OXR1: variants seen among roughly 807,000 people sequenced by gnomAD.
The protein encoded by OXR1 is oxidation resistance protein 1.
In OXR1, 41 loss-of-function variants were observed where a neutral mutation model predicts 104.6. The ratio of observed to expected loss-of-function variants is 0.39; its 90% confidence interval spans 0.31 to 0.51. The LOEUF is 0.51. Among genes scored for constraint, OXR1 ranks in the 20% least tolerant of loss-of-function variants. The pLI is 0.77. For synonymous variants in OXR1, 348 were observed against 348.4 expected, an observed-to-expected ratio of 1.00 and a Z score of 0.01; for missense variants, 955 against 1,031.9, an observed-to-expected ratio of 0.93 and a Z score of 1.02.
At chr8:106,633,331 C>T (rs1822864172) in intron 3 of OXR1, among the ~76,000 whole-genome samples, 1 of 152,152 alleles carries the variant, frequency 6.6e-6, no homozygotes, top group Non-Finnish European at 1.5e-5. Flanking sequence ...AATAGCACTA[C>T]TCTACTCTGC....
chr8:106,542,584 A>C (rs1815041869), intron 3 of OXR1, among the ~76,000 whole-genome samples: 1 of 152,128 alleles, frequency 6.6e-6, no homozygotes, highest in Non-Finnish European at 1.5e-5. Context: ...TGTCTTAGTA[A>C]ATTTCCAGTA....
At chr8:106,386,548 T>C (rs1426769377) in intron 2 of OXR1, among the ~76,000 whole-genome samples, 1 of 152,212 alleles carries the variant, frequency 6.6e-6, no homozygotes, top group African/African-American at 2.4e-5. Context: ...TTGCCTGTTA[T>C]GTGAATCCAA....
chr8:106,486,231 A>C (rs1810647049), intron 2 of OXR1, among the ~76,000 whole-genome samples: 1 of 152,098 alleles, frequency 6.6e-6, no homozygotes, highest in Admixed American at 6.6e-5. Context: ...AATTATGTAA[A>C]ATTTTATCTG....
chr8:106,457,833 T>A (rs1010067845), intron 2 of OXR1, among the ~76,000 whole-genome samples: 2 of 152,206 alleles, frequency 1.3e-5, no homozygotes, highest in African/African-American at 2.4e-5. Context: ...ATTGTGTCCG[T>A]GCCTGAGGAC....
At chr8:106,358,359 G>A (rs1466383080) in intron 1 of OXR1, among the ~76,000 whole-genome samples, 1 of 152,190 alleles carries the variant, frequency 6.6e-6, no homozygotes, top group African/African-American at 2.4e-5. Context: ...CAGCCTAATG[G>A]TAGTCATTTG....
At position 106,716,670 on chromosome 8, in the gene OXR1, G is replaced by A. The variant is rs1430610509; in HGVS notation, c.1956+2685G>A. Among the ~76,000 whole-genome samples the A allele has an allele frequency of 2.0e-5, 3 of 148,802 alleles. No individual in the cohort carries two copies. The Admixed American group carries it at 2.0e-4, about 10-fold the overall frequency. On this transcript the variant is annotated intron_variant, in intron 11 of 16. Transcript: ENST00000517566. ...AAAAAAAAAAAAAAAAATACACACT[G>A]GATTTTAATGACTTAGAATGGAAAG...
chr8:106,647,184 C>A (rs1302343026), intron 3 of OXR1, among the ~76,000 whole-genome samples: 1 of 152,068 alleles, frequency 6.6e-6, no homozygotes, highest in South Asian at 2.1e-4. Context: ...GGAGTTAACA[C>A]CTTTTGGACA....
Position 106,679,130 on chromosome 8 carries a change from C to A in OXR1, c.221-80C>A, listed in dbSNP as rs534058338. On this transcript the variant is annotated intron_variant, in intron 3 of 16. Coordinates refer to ENST00000517566, the MANE Select transcript of OXR1 (RefSeq NM_001198533.2). ...ATTACTAGTAAATTAGACATCTGCC[C>A]AAAGAGCTCTATTCAGTAGTCCTTG... 29 of 772,152 alleles carry A rather than the reference C, an allele frequency of 3.8e-5. No individual in the cohort carries two copies. In the South Asian group the frequency reaches 5.0e-4, roughly 13 times the overall value. The allele number at this position is 772,152 out of a possible 1,614,324, so 47.8% of individuals were successfully genotyped here.
chr8:106,352,541 T>A (rs1815773528), intron 1 of OXR1, among the ~76,000 whole-genome samples: 1 of 152,240 alleles, frequency 6.6e-6, no homozygotes, highest in Non-Finnish European at 1.5e-5. Flanking sequence ...CAGCATCTTA[T>A]GTAATTGCAA....
intron 3 of OXR1, among the ~76,000 whole-genome samples, chr8:106,606,083 T>C (rs1586885848): frequency 1.3e-5 from 2 of 152,268 alleles, no homozygotes; most frequent in South Asian, 4.1e-4. Context: ...CCCAGCATTC[T>C]GAAGTCCAAA....
chr8:106,432,437 T>A (rs758475108), intron 2 of OXR1, among the ~76,000 whole-genome samples: 17 of 152,184 alleles, frequency 1.1e-4, no homozygotes, highest in Non-Finnish European at 2.1e-4. Context: ...ACTGGCCTCT[T>A]TGCTGTTTAG....
chr8:106,464,009 T>G (rs1047709023), intron 2 of OXR1, among the ~76,000 whole-genome samples: 4 of 151,902 alleles, frequency 2.6e-5, no homozygotes, highest in African/African-American at 7.3e-5. Flanking sequence ...AGTTATAGGG[T>G]CTCATCTATT....
intron 6 of OXR1, among the ~76,000 whole-genome samples, chr8:106,691,221 C>A (rs1455270665): frequency 6.6e-6 from 1 of 151,718 alleles, no homozygotes; most frequent in Non-Finnish European, 1.5e-5. Flanking sequence ...TTTTTAAGGA[C>A]CTTCTCTGGT....
chr8:106,445,154 T>C (rs1819959152), intron 2 of OXR1, among the ~76,000 whole-genome samples: 1 of 152,196 alleles, frequency 6.6e-6, no homozygotes, highest in Admixed American at 6.5e-5. Flanking sequence ...TTAAAGAGCC[T>C]TGGAGTACAG....
chr8:106,613,618 C>T (rs1424430626), intron 3 of OXR1, among the ~76,000 whole-genome samples: 2 of 152,174 alleles, frequency 1.3e-5, no homozygotes, highest in African/African-American at 2.4e-5. Flanking sequence ...AGGCTGGTCT[C>T]GAACTCCTGA....
chr8:106,602,505 G>A (rs1360049297), intron 3 of OXR1, among the ~76,000 whole-genome samples: 1 of 152,182 alleles, frequency 6.6e-6, no homozygotes, highest in Non-Finnish European at 1.5e-5. Context: ...TACAACTTTG[G>A]TATAAGCAAA....
intron 2 of OXR1, among the ~76,000 whole-genome samples, chr8:106,391,044 GC>G (rs1169570507): frequency 1.3e-5 from 2 of 152,014 alleles, no homozygotes; most frequent in Admixed American, 6.6e-5. Context: ...TGTGGGGTTC[GC>G]CTTTAAAAAA....
intron 3 of OXR1, among the ~76,000 whole-genome samples, chr8:106,526,320 T>C (rs1813657754): frequency 6.6e-6 from 1 of 152,140 alleles, no homozygotes; most frequent in South Asian, 2.1e-4. Flanking sequence ...TCAGATTAGC[T>C]TATGAAAAGA....
chr8:106,407,611 G>A (rs1043662889), intron 2 of OXR1, among the ~76,000 whole-genome samples: 1 of 152,132 alleles, frequency 6.6e-6, no homozygotes, highest in African/African-American at 2.4e-5. Context: ...ACATAGCTGG[G>A]TAATGATTGG....
Sources: gnomAD v4.1 joint callset for allele counts (sites outside exome capture counted in the v4.1 genomes callset) on GRCh38, gnomAD v4.1.1 for gene constraint, MANE v1.5 for transcripts, NCBI Gene and HGNC (gene_info 2026-07-23, HGNC 2026-07-21) for gene names.